Variants in ITGA9 observed in about 807,000 individuals in gnomAD.
ITGA9 encodes the protein integrin subunit alpha 9, also known as integrin alpha-9.
ITGA9 carries 56 observed loss-of-function variants against 127.8 expected under a neutral mutation model. The observed-to-expected ratio is 0.44, with a 90% confidence interval of 0.35 to 0.55. The LOEUF is 0.55. Among genes scored for constraint, ITGA9 ranks in the 20% least tolerant of loss-of-function variants. The pLI is 0.00. For missense variants in ITGA9, 1,196 were observed against 1,347.1 expected, an observed-to-expected ratio of 0.89 and a Z score of 1.76; for synonymous variants, 508 against 514.5, an observed-to-expected ratio of 0.99 and a Z score of 0.17.
At chr3:37,607,855 G>A (rs1699982604) in intron 15 of ITGA9, among the ~76,000 whole-genome samples, 1 of 152,170 alleles carries the variant, frequency 6.6e-6, no homozygotes, top group Non-Finnish European at 1.5e-5. Flanking sequence ...GATAGATGTG[G>A]TCCTGCAAAA....
intron 10 of ITGA9, 34 bp from the exon 11 acceptor site, chr3:37,519,226 G>A: frequency 2.0e-6 from 3 of 1,536,868 alleles, no homozygotes; most frequent in Non-Finnish European, 2.7e-6. Flanking sequence ...TATTAATGTG[G>A]CTTTTTAACC....
intron 18 of ITGA9, among the ~76,000 whole-genome samples, chr3:37,687,926 C>G (rs1700796855): frequency 6.6e-6 from 1 of 152,206 alleles, no homozygotes; most frequent in South Asian, 2.1e-4. Context: ...CATTTATAAG[C>G]AGGTTACTGC....
chr3:37,775,453 G>A lies in ITGA9; in HGVS notation c.2542-1939G>A, dbSNP rs1696895127. ...AGGTCAGGAGATGGAGACCATCCTGGCTAACACGGTGAACCCCATATCTAC... is the reference window on the plus strand; with the variant it reads ...AGGTCAGGAGATGGAGACCATCCTGACTAACACGGTGAACCCCATATCTAC... On this transcript the variant is annotated intron_variant, in intron 23 of 27. Transcript: ENST00000264741. 3.1e-5 allele frequency among the ~76,000 whole-genome samples: 4 copies of A among 128,664 alleles called. No homozygotes were observed. The South Asian group carries it at 9.0e-4, about 29-fold the overall frequency. 84.4% of individuals were successfully genotyped at this position (128,664 alleles called of 152,430 possible).
chr3:37,608,624 G>A (rs545954361), intron 15 of ITGA9, among the ~76,000 whole-genome samples: 9 of 152,192 alleles, frequency 5.9e-5, no homozygotes, highest in African/African-American at 2.4e-5. Context: ...AGTACAAATC[G>A]TGCTGTGTTT....
At chr3:37,644,757 T>A (rs1490001868) in intron 16 of ITGA9, among the ~76,000 whole-genome samples, 1 of 152,194 alleles carries the variant, frequency 6.6e-6, no homozygotes, top group African/African-American at 2.4e-5. Flanking sequence ...AGGGTTTTTT[T>A]ATCCTTCCAT....
chr3:37,601,968 G>A (rs1389384992), intron 15 of ITGA9, among the ~76,000 whole-genome samples: 1 of 152,146 alleles, frequency 6.6e-6, no homozygotes, highest in African/African-American at 2.4e-5. Context: ...TGGTGAGAGA[G>A]GAAGCAAGCG....
chr3:37,785,131 G>A, intron 26 of ITGA9, 53 bp downstream of exon 26: 4 of 1,249,534 alleles, frequency 3.2e-6, no homozygotes, highest in Non-Finnish European at 4.7e-6. Context: ...GAAGCTGGGT[G>A]ACTTGGAGAC....
At chr3:37,461,347 ATTAC>A (rs1698314489) in intron 1 of ITGA9, among the ~76,000 whole-genome samples, 1 of 152,140 alleles carries the variant, frequency 6.6e-6, no homozygotes. Flanking sequence ...ATCTTGACCA[ATTAC>A]TTCAGCTGTT....
At chr3:37,709,844 A>G (rs1575203433) in intron 18 of ITGA9, among the ~76,000 whole-genome samples, 1 of 152,214 alleles carries the variant, frequency 6.6e-6, no homozygotes, top group Admixed American at 6.5e-5. Flanking sequence ...TTTCTAAAGT[A>G]TACCCTCTCC....
chr3:37,599,390 TATC>T (rs983677372), intron 15 of ITGA9, among the ~76,000 whole-genome samples: 1 of 152,210 alleles, frequency 6.6e-6, no homozygotes, highest in Non-Finnish European at 1.5e-5. Flanking sequence ...GGCCAATGCC[TATC>T]ATCATCCAGC....
chr3:37,546,751 G>A (rs1042966310), intron 15 of ITGA9, among the ~76,000 whole-genome samples: 3 of 152,142 alleles, frequency 2.0e-5, no homozygotes, highest in African/African-American at 7.2e-5. Context: ...GCTTGCCTCT[G>A]TCTGGACTGA....
At chr3:37,480,223 G>A (rs1223242496) in intron 3 of ITGA9, among the ~76,000 whole-genome samples, 1 of 151,948 alleles carries the variant, frequency 6.6e-6, no homozygotes, top group Non-Finnish European at 1.5e-5. Flanking sequence ...GCAGAAGGCA[G>A]GGGCATGTTT....
At chr3:37,677,130 A>G (rs899830585) in intron 17 of ITGA9, among the ~76,000 whole-genome samples, 1 of 152,164 alleles carries the variant, frequency 6.6e-6, no homozygotes, top group African/African-American at 2.4e-5. Flanking sequence ...TTTCCTGGGT[A>G]ATTCATTTAC....
At chr3:37,519,172 G>T (rs1317465325) in intron 10 of ITGA9, 88 bp from the exon 11 acceptor site, 17 of 914,274 alleles carry the variant, frequency 1.9e-5, no homozygotes, top group Non-Finnish European at 3.0e-5. Flanking sequence ...TGGTATCCAG[G>T]GACTCAGACA....
intron 17 of ITGA9, among the ~76,000 whole-genome samples, chr3:37,665,635 A>T (rs1459231136): frequency 6.6e-6 from 1 of 151,858 alleles, no homozygotes; most frequent in Admixed American, 6.6e-5. Flanking sequence ...TATATTTTTT[A>T]GTAGAGATGG....
intron 17 of ITGA9, among the ~76,000 whole-genome samples, chr3:37,664,099 T>G (rs1700562388): frequency 6.6e-6 from 1 of 152,178 alleles, no homozygotes; most frequent in African/African-American, 2.4e-5. Flanking sequence ...AGTTAAAGCT[T>G]GGAATGTCTG....
intron 23 of ITGA9, among the ~76,000 whole-genome samples, chr3:37,762,036 T>C (rs1696729069): frequency 6.6e-6 from 1 of 152,258 alleles, no homozygotes. Context: ...TGGGGCTGTG[T>C]TACCTATGGG....
Position 37,558,195 on chromosome 3 carries a change from G to A in ITGA9, c.1689+15610G>A, listed in dbSNP as rs1699449430. On this transcript the variant is annotated intron_variant, in intron 15 of 27. Transcript: ENST00000264741. ...GGGACTGGAGGTTCTCTGCACTTCT[G>A]TTTGATCTTCCCTGCCTGTCTGTGG... Among the ~76,000 whole-genome samples the A allele has an allele frequency of 2.0e-5, 3 of 152,200 alleles. No homozygotes were observed. In the South Asian group the frequency reaches 6.2e-4, roughly 31 times the overall value.
At chr3:37,459,536 C>T (rs533050110) in intron 1 of ITGA9, among the ~76,000 whole-genome samples, 3 of 152,336 alleles carry the variant, frequency 2.0e-5, no homozygotes, top group South Asian at 4.1e-4. Flanking sequence ...AAAGTCCCCA[C>T]CTCCAAATAA....
Sources: allele counts gnomAD v4.1 joint callset (sites outside exome capture counted in the v4.1 genomes callset), GRCh38; gene constraint gnomAD v4.1.1; transcripts MANE v1.5; gene names NCBI Gene and HGNC (gene_info 2026-07-23, HGNC 2026-07-21).